Variants in DPP8 observed in about 807,000 individuals in gnomAD.
DPP8 encodes the protein dipeptidyl peptidase 8.
In DPP8, 31 loss-of-function variants were observed where a neutral mutation model predicts 107.5. The ratio of observed to expected loss-of-function variants is 0.29; its 90% CI spans 0.22 to 0.39. The LOEUF is 0.39. DPP8 is among the 10% of genes least tolerant of loss of function. The probability of loss-of-function intolerance (pLI) is 1.00; values close to 1 mark genes in which losing one functional copy is unlikely to be tolerated. For synonymous variants in DPP8, 381 were observed against 356.6 expected, an observed-to-expected ratio of 1.07 and a Z score of -0.77; for missense variants, 842 against 1,076.1, an observed-to-expected ratio of 0.78 and a Z score of 3.04.
In DPP8 at chr15:65,479,688, C is replaced by CA. The variant is rs572424950; in HGVS notation, c.1296+533dup. ...TGAAACCCCGTCTCTACTAAAAATA[C>CA]AAAAAATTAGCCGGGCGCGGTGGCG... On this transcript the variant is annotated intron_variant, in intron 10 of 19. Coordinates refer to ENST00000300141, the MANE Select transcript of DPP8 (RefSeq NM_130434.5). 1.7e-4 allele frequency among the ~76,000 whole-genome samples: 26 copies of CA among 150,906 alleles called. No individual in the cohort carries two copies. The East Asian group carries it at 3.7e-3, about 21-fold the overall frequency.
intron 11 of DPP8, among the ~76,000 whole-genome samples, chr15:65,476,443 A>C (rs1340910173): frequency 6.6e-6 from 1 of 152,218 alleles, no homozygotes. Context: ...GTAGATATGA[A>C]GGTAAAGGAG....
intron 5 of DPP8, among the ~76,000 whole-genome samples, chr15:65,497,545 T>C (rs1039984967): frequency 7.9e-5 from 12 of 152,158 alleles, no homozygotes; most frequent in Non-Finnish European, 1.2e-4. Flanking sequence ...TGAGCCACCA[T>C]GCCTAGCCTA....
intron 5 of DPP8, among the ~76,000 whole-genome samples, chr15:65,497,212 G>A (rs1055003077): frequency 4.0e-5 from 6 of 151,862 alleles, no homozygotes; most frequent in African/African-American, 1.5e-4. Context: ...CTTAGAGTGT[G>A]TAATTGGTTT....
intron 7 of DPP8, among the ~76,000 whole-genome samples, chr15:65,486,591 C>T (rs1418564839): frequency 2.7e-5 from 4 of 150,882 alleles, no homozygotes; most frequent in African/African-American, 9.8e-5. Flanking sequence ...TGCCCATCAA[C>T]CAACAAGTGG....
At chr15:65,465,354 T>C (rs569926690) in intron 14 of DPP8, among the ~76,000 whole-genome samples, 2 of 151,094 alleles carry the variant, frequency 1.3e-5, no homozygotes, top group African/African-American at 2.4e-5. Flanking sequence ...TTTTAGTAGA[T>C]GTGGGGTTTC....
At position 65,497,888 on chromosome 15, in the gene DPP8, T is replaced by C. The variant is rs2140968992; in HGVS notation, c.691A>G (p.Arg231Gly). 3.2e-6 allele frequency: 5 copies of C among 1,577,120 alleles called. No individual in the cohort carries two copies. Among genetic ancestry groups the C allele is most frequent in the Non-Finnish European group, 4.3e-6 (5 of 1,156,782 alleles). Residue 231 changes from arginine (R) to glycine (G), a missense_variant, in exon 5 of 20, where the codon AGG (arginine) becomes GGG (glycine). Physicochemically the swap from Arg to Gly is moderately radical, Grantham distance 125. Around this residue, in one of 2 missense-constraint regions of DPP8, gnomAD observed 663 missense variants for 758.0 expected, o/e 0.87. Coordinates refer to ENST00000300141, the MANE Select transcript of DPP8 (RefSeq NM_130434.5). ...CCATTGTGCACATAAGTGAGTCTCC[T>C]TTCTTCTCTGGTTACGATGTTAGAT... ...WISNIVTREE[R>G]RLTYVHNELA...
rs1200992181 is a variant in DPP8 at position 65,442,884 on chromosome 15, A to G, written c.*4000T>C. The G allele has an allele frequency of 1.3e-5, 2 of 152,216 alleles. No individual in the cohort carries two copies. The highest frequency in any genetic ancestry group is 4.8e-5 in the African/African-American group (2 of 41,454). 9.4% of individuals were successfully genotyped at this position (152,216 alleles called of 1,614,324 possible). ...CCTTTTTCCTTTATATCTGCTGGGAATAGACACACTCACCTTATATAGTTT... is the reference window on the plus strand; with the variant it reads ...CCTTTTTCCTTTATATCTGCTGGGAGTAGACACACTCACCTTATATAGTTT... On this transcript the variant is annotated 3_prime_UTR_variant, in exon 20 of 20. Coordinates refer to ENST00000300141, the MANE Select transcript of DPP8 (RefSeq NM_130434.5).
At chr15:65,457,380 CT>C (rs200397261) in intron 15 of DPP8, among the ~76,000 whole-genome samples, 45 of 145,130 alleles carry the variant, frequency 3.1e-4, no homozygotes, top group Admixed American at 6.2e-4. Context: ...AAAAGTCATA[CT>C]TTTTTTTTTT....
At chr15:65,489,123 G>A (rs2067739428) in intron 6 of DPP8, among the ~76,000 whole-genome samples, 1 of 152,024 alleles carries the variant, frequency 6.6e-6, no homozygotes, top group African/African-American at 2.4e-5. Context: ...ACCACACCCA[G>A]CTAATTTTTT....
At chr15:65,474,885 T>C (rs1367776837) in intron 11 of DPP8, among the ~76,000 whole-genome samples, 1 of 152,232 alleles carries the variant, frequency 6.6e-6, no homozygotes, top group Non-Finnish European at 1.5e-5. Context: ...GAATGATCTA[T>C]TTAGGTAATG....
At chr15:65,447,863 C>T (rs1567120827) in intron 19 of DPP8, among the ~76,000 whole-genome samples, 1 of 152,010 alleles carries the variant, frequency 6.6e-6, no homozygotes, top group Non-Finnish European at 1.5e-5. Flanking sequence ...ATGAGCTTCC[C>T]AATACTTAGA....
chr15:65,467,207 A>C lies in DPP8; in HGVS notation c.1553T>G (p.Val518Gly). 1 of 1,614,124 alleles carries C rather than the reference A, an allele frequency of 6.2e-7. No individual in the cohort carries two copies. The highest frequency in any genetic ancestry group is 8.5e-7 in the Non-Finnish European group (1 of 1,180,032). ...GCCTTCAAAATATACCAGCCTTCTG[A>C]CTTCATCAACTTGGATCTGACAAGA... The part of the protein sequence containing the change: ...RHGSNIQVDE[V>G]RRLVYFEGTK... The change falls in exon 13 of 20, where the codon GTC (valine) becomes GGC (glycine). Residue 518 changes from valine (V) to glycine (G), a missense_variant. Physicochemically the swap from Val to Gly is moderately radical, Grantham distance 109. Around this residue, in one of 2 missense-constraint regions of DPP8, gnomAD observed 663 missense variants for 758.0 expected, o/e 0.87. Coordinates refer to ENST00000300141, the MANE Select transcript of DPP8 (RefSeq NM_130434.5).
At chr15:65,460,547 T>C (rs745433970) in intron 15 of DPP8, among the ~76,000 whole-genome samples, 5 of 152,206 alleles carry the variant, frequency 3.3e-5, no homozygotes, top group African/African-American at 1.2e-4. Flanking sequence ...ATTTGCCTAT[T>C]ATAGGTACCT....
In DPP8 at chr15:65,500,708, G is replaced by A. The variant is rs748825550; in HGVS notation, c.444C>T (p.Val148=). ...GGTGATAATCGTAAGAAGCAATTCC[G>A]ACTGTTCCAATGCGTTTTCTTTCTC... ...LLRERKRIGT[V]GIASYDYHQG... is the part of the protein sequence containing the mutation. The change falls in exon 4 of 20, where the codon GTC becomes GTT. Residue 148 remains valine, a synonymous_variant. Transcript: ENST00000300141. 7 of 1,613,614 alleles carry A rather than the reference G, an allele frequency of 4.3e-6. No individual in the cohort carries two copies. Among genetic ancestry groups the A allele is most frequent in the South Asian group, 1.1e-5 (1 of 91,070 alleles).
At chr15:65,472,798 A>C (rs2066010951) in intron 12 of DPP8, among the ~76,000 whole-genome samples, 2 of 152,122 alleles carry the variant, frequency 1.3e-5, no homozygotes. Context: ...TCAGCACTTC[A>C]GGAGGCCGAG....
At chr15:65,488,641 A>G (rs2067684708) in intron 6 of DPP8, among the ~76,000 whole-genome samples, 1 of 151,372 alleles carries the variant, frequency 6.6e-6, no homozygotes, top group Non-Finnish European at 1.5e-5. Flanking sequence ...CAAAAACAAA[A>G]ACAAAACAGC....
At chr15:65,448,696 T>A (rs1281323487) in intron 19 of DPP8, among the ~76,000 whole-genome samples, 32 of 133,324 alleles carry the variant, frequency 2.4e-4, no homozygotes, top group African/African-American at 7.9e-4. Flanking sequence ...AAAAAATATA[T>A]ATATATATAA....
chr15:65,448,686 A>AT lies in DPP8; in HGVS notation c.2527-1681_2527-1680insA, dbSNP rs1473140344. 9.7e-3 allele frequency among the ~76,000 whole-genome samples: 1,321 copies of AT among 136,492 alleles called. 69 individuals carry two copies. Among genetic ancestry groups the AT allele is most frequent in the African/African-American group, 0.035 (1,241 of 35,668 alleles). 89.5% of individuals were successfully genotyped at this position (136,492 alleles called of 152,430 possible). A position where few individuals can be genotyped will look rare whatever the true frequency, so the allele number is the denominator to read the frequency against. On this transcript the variant is annotated intron_variant, in intron 19 of 19. Coordinates refer to ENST00000300141, the MANE Select transcript of DPP8 (RefSeq NM_130434.5). ...AACTCCATCTCAAAAAAAAAAAAAA[A>AT]AAAAATATATATATATATAAAATGT...
In DPP8 at chr15:65,474,184, A is replaced by T. The variant is rs76223536; in HGVS notation, c.1536+25T>A. On this transcript the variant is annotated intron_variant, in intron 12 of 19. Transcript: ENST00000300141. ...ATTCACACAGTAATACTGACCAAAC[A>T]TATCAGTAGAATAAAATAACATACA... 1.4e-3 allele frequency: 2,140 copies of T among 1,503,530 alleles called. 26 individuals carry two copies. In the African/African-American group the frequency reaches 0.026, roughly 18 times the overall value. The allele number at this position is 1,503,530 out of a possible 1,614,324, so 93.1% of individuals were successfully genotyped here. A position where few individuals can be genotyped will look rare whatever the true frequency, so the allele number is the denominator to read the frequency against.
Sources: gnomAD v4.1 joint callset for allele counts (sites outside exome capture counted in the v4.1 genomes callset) on GRCh38, gnomAD v4.1.1 for gene constraint, gnomAD v4.1.1 regional missense constraint, MANE v1.5 for transcripts, NCBI Gene and HGNC (gene_info 2026-07-23, HGNC 2026-07-21) for gene names.